The following DIAPH2 variants were observed in gnomAD, a reference collection of about 807,000 sequenced individuals.
DIAPH2 encodes protein diaphanous homolog 2.
A neutral mutation model predicts 92.7 loss-of-function variants in DIAPH2; 35 were observed. The ratio of observed to expected loss-of-function variants is 0.38; its 90% CI spans 0.29 to 0.50. DIAPH2 has a LOEUF of 0.50. DIAPH2 is among the 20% of genes least tolerant of loss of function. The pLI is 0.94. For synonymous variants in DIAPH2, 301 were observed against 280.4 expected, an observed-to-expected ratio of 1.07 and a Z score of -0.73; for missense variants, 701 against 819.5, an observed-to-expected ratio of 0.86 and a Z score of 1.77.
chrX:96,995,093 A>G (rs2066096157), intron 17 of DIAPH2, among the ~76,000 whole-genome samples: 1 of 111,974 alleles, frequency 8.9e-6, no homozygotes, highest in Admixed American at 9.5e-5. Context: ...AAAATGAAGA[A>G]CAATATGATA....
intron 17 of DIAPH2, among the ~76,000 whole-genome samples, chrX:97,069,732 G>A (rs1260388749): frequency 8.9e-6 from 1 of 111,803 alleles, no homozygotes; most frequent in African/African-American, 3.2e-5. Flanking sequence ...TGTGATTCAT[G>A]GTTAGTTATC....
intron 26 of DIAPH2, among the ~76,000 whole-genome samples, chrX:97,508,069 AC>A (rs756778628): frequency 3.6e-5 from 4 of 111,505 alleles, no homozygotes; most frequent in Non-Finnish European, 7.5e-5. Flanking sequence ...CTGTTCTAAC[AC>A]CCATCTGTCC....
chrX:97,383,642 C>G (rs1026044690), intron 24 of DIAPH2, among the ~76,000 whole-genome samples: 1 of 106,588 alleles, frequency 9.4e-6, no homozygotes, highest in Non-Finnish European at 1.9e-5. Context: ...ATTTCTAAAT[C>G]TTTTTTCAAG....
intron 15 of DIAPH2, among the ~76,000 whole-genome samples, chrX:96,949,608 C>T (rs971204335): frequency 5.9e-5 from 6 of 102,371 alleles, no homozygotes; most frequent in South Asian, 4.8e-4. Context: ...CTTTGGGAGG[C>T]GGAAGCGGGC....
intron 4 of DIAPH2, among the ~76,000 whole-genome samples, chrX:96,817,225 A>G (rs952548841): frequency 8.9e-6 from 1 of 112,073 alleles, no homozygotes; most frequent in African/African-American, 3.2e-5. Context: ...CTAAACGTGT[A>G]TAATTGGATT....
At chrX:96,693,407 A>G in intron 1 of DIAPH2, among the ~76,000 whole-genome samples, 1 of 112,465 alleles carries the variant, frequency 8.9e-6, no homozygotes. Context: ...TCTGAAATCA[A>G]TCACTGATAA....
chrX:96,869,090 A>T (rs1402110699), intron 4 of DIAPH2, among the ~76,000 whole-genome samples: 1 of 111,601 alleles, frequency 9.0e-6, no homozygotes, highest in Non-Finnish European at 1.9e-5. Context: ...GCTTATTCAT[A>T]AAAAATCATA....
At chrX:97,185,853 C>T (rs1057204955) in intron 22 of DIAPH2, among the ~76,000 whole-genome samples, 3 of 109,262 alleles carry the variant, frequency 2.7e-5, no homozygotes, top group African/African-American at 1.0e-4. Flanking sequence ...TTGAACAATG[C>T]CTTATACATT....
chrX:96,759,176 A>C (rs1261358957), intron 4 of DIAPH2, among the ~76,000 whole-genome samples: 1 of 111,100 alleles, frequency 9.0e-6, no homozygotes, highest in Non-Finnish European at 1.9e-5. Flanking sequence ...TAAGTTGACC[A>C]TTGCAGAAAA....
At chrX:97,186,197 G>T (rs1375173975) in intron 22 of DIAPH2, among the ~76,000 whole-genome samples, 2 of 111,064 alleles carry the variant, frequency 1.8e-5, no homozygotes, top group East Asian at 5.7e-4. Context: ...TAGCATATTC[G>T]CAGTCCCTTT....
intron 25 of DIAPH2, among the ~76,000 whole-genome samples, chrX:97,420,422 C>A (rs2069996512): frequency 9.0e-6 from 1 of 111,410 alleles, no homozygotes; most frequent in Non-Finnish European, 1.9e-5. Flanking sequence ...CACTTATGAC[C>A]CCTAATACAG....
chrX:97,069,657 T>C (rs2147909610), intron 17 of DIAPH2, among the ~76,000 whole-genome samples: 1 of 111,974 alleles, frequency 8.9e-6, no homozygotes, highest in Admixed American at 9.5e-5. Flanking sequence ...ATGAATGTGA[T>C]TCTGGCCATA....
chrX:97,257,567 C>G (rs1022629519), intron 23 of DIAPH2, among the ~76,000 whole-genome samples: 13 of 111,785 alleles, frequency 1.2e-4, no homozygotes, highest in African/African-American at 3.6e-4. Context: ...TCTCTAGATG[C>G]CTTTATCATA....
intron 4 of DIAPH2, among the ~76,000 whole-genome samples, chrX:96,819,943 T>C (rs1035567051): frequency 8.9e-6 from 1 of 111,793 alleles, no homozygotes. Flanking sequence ...AAATTCCAAT[T>C]CATTAAACTC....
At chrX:97,449,350 G>A (rs1330297114) in intron 26 of DIAPH2, among the ~76,000 whole-genome samples, 4 of 111,869 alleles carry the variant, frequency 3.6e-5, no homozygotes, top group African/African-American at 1.3e-4. Flanking sequence ...TTCAAATCTG[G>A]TGTTAGTAAT....
chrX:97,446,379 G>A (rs1297667476), intron 26 of DIAPH2, among the ~76,000 whole-genome samples: 1 of 111,697 alleles, frequency 9.0e-6, no homozygotes, highest in Non-Finnish European at 1.9e-5. Flanking sequence ...AGGTTGGTAG[G>A]TTTAGCATTT....
At chrX:97,403,872 G>A (rs1229016926) in intron 25 of DIAPH2, among the ~76,000 whole-genome samples, 1 of 102,379 alleles carries the variant, frequency 9.8e-6, no homozygotes, top group Non-Finnish European at 2.0e-5. Context: ...TTTTTTTTGA[G>A]ACAGACTTTT....
chrX:96,775,353 TTGTGTGTGTGTGTG>T (rs60441028), intron 4 of DIAPH2, among the ~76,000 whole-genome samples: 11 of 89,360 alleles, frequency 1.2e-4, no homozygotes, highest in Admixed American at 3.8e-4. Flanking sequence ...CAACGTGTGC[TTGTGTGTGTGTGTG>T]TGTGTGTGTG....
At chrX:97,504,406 T>C (rs1345862292) in intron 26 of DIAPH2, among the ~76,000 whole-genome samples, 1 of 112,712 alleles carries the variant, frequency 8.9e-6, no homozygotes, top group Non-Finnish European at 1.9e-5. Flanking sequence ...TATTGACCAA[T>C]GTCGATCCAA....
Sources: allele counts gnomAD v4.1 joint callset (sites outside exome capture counted in the v4.1 genomes callset), GRCh38; gene constraint gnomAD v4.1.1; transcripts MANE v1.5; gene names NCBI Gene and HGNC (gene_info 2026-07-23, HGNC 2026-07-21).